YME1L1: variants seen among roughly 807,000 people sequenced by gnomAD.
YME1L1 encodes the protein ATP-dependent zinc metalloprotease YME1L1.
A neutral mutation model predicts 90.4 loss-of-function variants in YME1L1; 39 were observed. The ratio of observed to expected loss-of-function variants is 0.43; its 90% CI spans 0.33 to 0.56. The LOEUF is 0.56. Among genes scored for constraint, YME1L1 ranks in the 20% least tolerant of loss-of-function variants. YME1L1 has a pLI of 0.03. For missense variants in YME1L1, 617 were observed against 868.4 expected, an observed-to-expected ratio of 0.71 and a Z score of 3.64; for synonymous variants, 284 against 287.3, an observed-to-expected ratio of 0.99 and a Z score of 0.12.
chr10:27,125,467 A>AG (rs573898127), intron 9 of YME1L1, among the ~76,000 whole-genome samples: 9 of 150,742 alleles, frequency 6.0e-5, no homozygotes, highest in Admixed American at 2.0e-4. Context: ...TGAAAAAAAA[A>AG]AAAAAAAAAA....
rs199866937 is a variant in YME1L1 at position 27,148,981 on chromosome 10, A to C, written c.93T>G (p.Val31=). Residue 31 remains valine, a synonymous_variant, in exon 2 of 19, where the codon GTT becomes GTG. Coordinates refer to ENST00000376016, the MANE Select transcript of YME1L1 (RefSeq NM_014263.4). ...NAFHTPKNTS[V]SLSGVSVSQN... Reference sequence around the variant, plus strand: ...GAGAAACTGACACTCCACTGAGAGAAACAGAAGTGTTTTTTGGTGTATGGA... The same window carrying C: ...GAGAAACTGACACTCCACTGAGAGACACAGAAGTGTTTTTTGGTGTATGGA... 7 of 1,614,078 alleles carry C rather than the reference A, an allele frequency of 4.3e-6. No individual in the cohort carries two copies. Among genetic ancestry groups the C allele is most frequent in the Non-Finnish European group, 1.7e-6 (2 of 1,179,952 alleles).
At position 27,154,180 on chromosome 10, in the gene YME1L1, G is replaced by A; in HGVS notation, c.31C>T (p.Gln11Ter). The A allele has an allele frequency of 6.3e-7, 1 of 1,590,966 alleles. No individual in the cohort carries two copies. The highest frequency in any genetic ancestry group is 1.8e-5 in the Admixed American group (1 of 57,036). Reference sequence around the variant, plus strand: ...AATGGGCTGAATGCCTGGCTTACCTGGGGTTGCACCGTGCTCGACAAGGAA... The same window carrying A: ...AATGGGCTGAATGCCTGGCTTACCTAGGGTTGCACCGTGCTCGACAAGGAA... MFSLSSTVQP[Q>*]VTVPLSHLIN... The change falls in exon 1 of 19, where the codon CAG becomes TAG. Residue 11 changes from glutamine to a stop codon, truncating the protein, a stop_gained and splice_region_variant. Coordinates refer to ENST00000376016, the MANE Select transcript of YME1L1 (RefSeq NM_014263.4). LOFTEE classifies it high-confidence loss of function.
intron 2 of YME1L1, chr10:27,147,503 T>G: frequency 1.9e-6 from 3 of 1,612,598 alleles, no homozygotes; most frequent in Non-Finnish European, 2.5e-6. Flanking sequence ...TGTACAGGGA[T>G]TGAGAGGGAG....
In YME1L1 at chr10:27,123,008, G is replaced by A. The variant is rs769448044; in HGVS notation, c.1103-35C>T. ...CAAAAAACATTCAAATAAGCTGAAAGAAAGTCAACACTTTTGAACAAAACG... is the reference window on the plus strand; with the variant it reads ...CAAAAAACATTCAAATAAGCTGAAAAAAAGTCAACACTTTTGAACAAAACG... On this transcript the variant is annotated intron_variant, in intron 10 of 18. Coordinates refer to ENST00000376016, the MANE Select transcript of YME1L1 (RefSeq NM_014263.4). 3.8e-6 allele frequency: 6 copies of A among 1,596,616 alleles called. No homozygotes were observed. In the Admixed American group the frequency reaches 1.1e-4, roughly 28 times the overall value.
intron 4 of YME1L1, among the ~76,000 whole-genome samples, chr10:27,137,617 A>C (rs1048688289): frequency 2.0e-5 from 3 of 152,158 alleles, no homozygotes; most frequent in African/African-American, 7.2e-5. Flanking sequence ...AATAATATGA[A>C]TCTTTTAAAT....
Position 27,111,351 on chromosome 10 carries a change from C to T in YME1L1, c.*626G>A, listed in dbSNP as rs2056756872. Reference sequence around the variant, plus strand: ...GGATTACAGGCGTGAGCAACCGCGCCCAGCCCTATTTTTTTGTATTTTAGT... The same window carrying T: ...GGATTACAGGCGTGAGCAACCGCGCTCAGCCCTATTTTTTTGTATTTTAGT... On this transcript the variant is annotated 3_prime_UTR_variant, in exon 19 of 19. Transcript: ENST00000376016. 6.5e-6 allele frequency: 1 copy of T among 155,000 alleles called. No homozygotes were observed. The highest frequency in any genetic ancestry group is 6.4e-5 in the Admixed American group (1 of 15,532). The allele number at this position is 155,000 out of a possible 1,614,324, so 9.6% of individuals were successfully genotyped here.
intron 2 of YME1L1, chr10:27,146,199 A>G (rs1045138452): frequency 9.9e-5 from 15 of 152,234 alleles, no homozygotes; most frequent in African/African-American, 3.4e-4. Flanking sequence ...CATAAACAAA[A>G]GCCCACTTGA....
At chr10:27,112,200 T>A in intron 18 of YME1L1, 80 bp from the exon 19 acceptor site, 1 of 1,255,776 alleles carries the variant, frequency 8.0e-7, no homozygotes, top group Non-Finnish European at 1.1e-6. Context: ...AAAGAAAAAC[T>A]TTATGTACCC....
intron 9 of YME1L1, among the ~76,000 whole-genome samples, chr10:27,124,938 T>C (rs1385210148): frequency 2.0e-5 from 3 of 152,194 alleles, no homozygotes; most frequent in African/African-American, 7.2e-5. Context: ...AAGTACATGA[T>C]GTTGATAAGG....
At chr10:27,119,478 T>C in intron 13 of YME1L1, 29 bp from the exon 14 acceptor site, 5 of 1,593,798 alleles carry the variant, frequency 3.1e-6, no homozygotes, top group Non-Finnish European at 4.3e-6. Context: ...ACAACGCTAA[T>C]AAGTCTAAAA....
At chr10:27,133,811 A>C (rs757576200) in intron 7 of YME1L1, among the ~76,000 whole-genome samples, 14 of 152,182 alleles carry the variant, frequency 9.2e-5, no homozygotes, top group Non-Finnish European at 1.8e-4. Flanking sequence ...AAAATTAATT[A>C]ATTAATTTTC....
At chr10:27,126,564 T>C (rs1452585809) in intron 9 of YME1L1, 132 bp downstream of exon 9, 2 of 540,244 alleles carry the variant, frequency 3.7e-6, no homozygotes, top group Non-Finnish European at 3.2e-6. Flanking sequence ...AGAATGAACA[T>C]CTATTTTGTA....
intron 18 of YME1L1, among the ~76,000 whole-genome samples, chr10:27,112,963 T>C (rs1229584709): frequency 6.6e-6 from 1 of 152,160 alleles, no homozygotes; most frequent in Non-Finnish European, 1.5e-5. Flanking sequence ...GGCTCACACC[T>C]GTAATCCCAG....
chr10:27,140,786 T>C (rs2057079140), intron 4 of YME1L1, among the ~76,000 whole-genome samples: 1 of 152,166 alleles, frequency 6.6e-6, no homozygotes, highest in South Asian at 2.1e-4. Context: ...CGTATTTAGG[T>C]ATTTTTTTAA....
Position 27,140,525 on chromosome 10 carries a change from C to T in YME1L1, c.430+1862G>A, listed in dbSNP as rs542635032. ...GACGGAGTCTCGCTCTGTTGCCAGG[C>T]TGGAGTTCAGTGGCGCGGTCTCGGC... On this transcript the variant is annotated intron_variant, in intron 4 of 18. Coordinates refer to ENST00000376016, the MANE Select transcript of YME1L1 (RefSeq NM_014263.4). Among the ~76,000 whole-genome samples, 9 of 152,296 alleles carry T rather than the reference C, an allele frequency of 5.9e-5. No homozygotes were observed. The South Asian group carries it at 1.2e-3, about 21-fold the overall frequency.
intron 8 of YME1L1, among the ~76,000 whole-genome samples, chr10:27,130,494 T>A (rs1275762282): frequency 6.6e-6 from 1 of 152,210 alleles, no homozygotes; most frequent in Non-Finnish European, 1.5e-5. Context: ...TTCGTATCTC[T>A]CACACTTAAC....
chr10:27,140,665 G>C (rs191369262), intron 4 of YME1L1, among the ~76,000 whole-genome samples: 1 of 152,010 alleles, frequency 6.6e-6, no homozygotes, highest in East Asian at 2.0e-4. Flanking sequence ...TTTTAGTAGA[G>C]ATGGGGTTTC....
At chr10:27,115,184 C>G (rs1015918853) in intron 17 of YME1L1, among the ~76,000 whole-genome samples, 1 of 152,078 alleles carries the variant, frequency 6.6e-6, no homozygotes, top group African/African-American at 2.4e-5. Context: ...ACCCGGGAGG[C>G]GGTAGCTGCA....
intron 18 of YME1L1, among the ~76,000 whole-genome samples, chr10:27,113,596 CA>C (rs2056781783): frequency 1.3e-5 from 2 of 150,102 alleles, no homozygotes; most frequent in African/African-American, 4.9e-5. Flanking sequence ...CACTTGAACC[CA>C]GAAGGCGGAA....
Sources: gnomAD v4.1 joint callset for allele counts (sites outside exome capture counted in the v4.1 genomes callset) on GRCh38, gnomAD v4.1.1 for gene constraint, MANE v1.5 for transcripts, NCBI Gene and HGNC (gene_info 2026-07-23, HGNC 2026-07-21) for gene names.